SEL1L3: variants seen among roughly 807,000 people sequenced by gnomAD.
The protein encoded by SEL1L3 is SEL1L family member 3.
In SEL1L3, 76 loss-of-function variants were observed where a neutral mutation model predicts 142.8. The ratio of observed to expected loss-of-function variants is 0.53; its 90% CI spans 0.44 to 0.64. The LOEUF (loss-of-function observed/expected upper bound fraction) is 0.64. SEL1L3 is among the 30% of genes least tolerant of loss of function. The probability of loss-of-function intolerance (pLI) is 0.00; values close to 1 mark genes in which losing one functional copy is unlikely to be tolerated. For missense variants in SEL1L3, 1,262 were observed against 1,381.7 expected, an observed-to-expected ratio of 0.91 and a Z score of 1.37; for synonymous variants, 504 against 519.6, an observed-to-expected ratio of 0.97 and a Z score of 0.41.
At chr4:25,733,543 A>G in the SEL1L3 span, among the ~76,000 whole-genome samples, 2 of 106,744 alleles carry the variant, frequency 1.9e-5, no homozygotes, top group East Asian at 6.4e-4. Flanking sequence ...TTTTTTTGAG[A>G]TGGAGTCTCA....
chr4:25,854,874 G>C (rs1337907959), intron 1 of SEL1L3, among the ~76,000 whole-genome samples: 1 of 152,254 alleles, frequency 6.6e-6, no homozygotes, highest in Non-Finnish European at 1.5e-5. Context: ...TGACAAGTAG[G>C]AGAAGCTTGA....
Position 25,847,769 on chromosome 4 carries a change from A to G in SEL1L3, c.258T>C (p.Phe86=). 1 of 1,613,880 alleles carries G rather than the reference A, an allele frequency of 6.2e-7. No individual in the cohort carries two copies. Among genetic ancestry groups the G allele is most frequent in the Non-Finnish European group, 8.5e-7 (1 of 1,179,796 alleles). ...TGCGAACGTTTCCTTCAAAGACAGT[A>G]AAATAAATAAAGTCTTTGTAAGCCA... ...QSVAYKDFIY[F]TVFEGNVRNV... The change falls in exon 2 of 24, where the codon TTT becomes TTC. Residue 86 remains phenylalanine, a synonymous_variant. Transcript: ENST00000399878.
At chr4:25,756,902 C>A in intron 23 of SEL1L3, 1 of 1,282,226 alleles carries the variant, frequency 7.8e-7, no homozygotes, top group Non-Finnish European at 1.0e-6. Context: ...CACACAGAGG[C>A]AGAATTCTGA....
intron 9 of SEL1L3, among the ~76,000 whole-genome samples, chr4:25,808,236 C>G (rs1713730876): frequency 6.6e-6 from 1 of 152,106 alleles, no homozygotes; most frequent in African/African-American, 2.4e-5. Context: ...AAGAAACAAA[C>G]AAACAAAATA....
intron 9 of SEL1L3, among the ~76,000 whole-genome samples, chr4:25,807,138 G>A (rs761646839): frequency 7.2e-5 from 11 of 152,170 alleles, no homozygotes; most frequent in Non-Finnish European, 1.3e-4. Flanking sequence ...CTCTGGGGCT[G>A]TCAGAAGCTC....
intron 1 of SEL1L3, among the ~76,000 whole-genome samples, chr4:25,858,333 A>G (rs1304199398): frequency 6.6e-6 from 1 of 152,206 alleles, no homozygotes; most frequent in Non-Finnish European, 1.5e-5. Flanking sequence ...TCAAATATTC[A>G]TAATACCTCT....
chr4:25,784,284 C>T lies in SEL1L3; in HGVS notation c.2224G>A (p.Gly742Arg). 1 of 1,613,422 alleles carries T rather than the reference C, an allele frequency of 6.2e-7. No individual in the cohort carries two copies. Among genetic ancestry groups the T allele is most frequent in the Non-Finnish European group, 8.5e-7 (1 of 1,179,456 alleles). Residue 742 changes from glycine to arginine, a missense_variant, in exon 14 of 24, where the codon GGA becomes AGA. Transcript: ENST00000399878. Reference sequence around the variant, plus strand: ...GCAAGCCGTCTGTTCTTTTTTACTCCTTGACCCTAAACATTGATAAACAGC... The same window carrying T: ...GCAAGCCGTCTGTTCTTTTTTACTCTTTGACCCTAAACATTGATAAACAGC... ...DYAIVLFKGQ[G>R]VKKNRRLALE...
intron 16 of SEL1L3, 187 bp from the exon 17 acceptor site, chr4:25,776,547 C>T: frequency 1.8e-6 from 1 of 555,508 alleles, no homozygotes; most frequent in Non-Finnish European, 3.2e-6. Context: ...ATTTAGTGCC[C>T]TTTCTTATGA....
At chr4:25,851,849 A>T (rs959732280) in intron 1 of SEL1L3, among the ~76,000 whole-genome samples, 5 of 145,852 alleles carry the variant, frequency 3.4e-5, no homozygotes, top group African/African-American at 1.3e-4. Flanking sequence ...ATATCGTGCC[A>T]CTGCATTCCA....
chr4:25,747,460 C>A lies in SEL1L3; in HGVS notation c.*965G>T, dbSNP rs1717311842. On this transcript the variant is annotated 3_prime_UTR_variant, in exon 24 of 24. Coordinates refer to ENST00000399878, the MANE Select transcript of SEL1L3 (RefSeq NM_015187.5). ...AATTGTATAAAAATAATTTTATTTA[C>A]TACTGTAAATAAAGTAGTGCAAAGA... The A allele has an allele frequency of 6.6e-6, 1 of 151,950 alleles. No homozygotes were observed. Among genetic ancestry groups the A allele is most frequent in the Admixed American group, 6.6e-5 (1 of 15,250 alleles). The allele number at this position is 151,950 out of a possible 1,614,324, so 9.4% of individuals were successfully genotyped here.
chr4:25,800,285 T>A (rs1713086484), intron 11 of SEL1L3, among the ~76,000 whole-genome samples: 1 of 152,200 alleles, frequency 6.6e-6, no homozygotes, highest in South Asian at 2.1e-4. Context: ...ATATGACACC[T>A]GTTTAAATTC....
chr4:25,826,325 T>C (rs1291213298), intron 6 of SEL1L3, among the ~76,000 whole-genome samples: 3 of 152,226 alleles, frequency 2.0e-5, no homozygotes, highest in African/African-American at 7.2e-5. Context: ...ATTCCTGATC[T>C]TCTCACACTA....
chr4:25,776,587 A>C (rs1031830497), intron 16 of SEL1L3: 1 of 487,236 alleles, frequency 2.1e-6, no homozygotes, highest in Non-Finnish European at 3.7e-6. Context: ...TATGGAAACA[A>C]AGACATGTAA....
intron 11 of SEL1L3, among the ~76,000 whole-genome samples, chr4:25,792,796 T>A (rs1205217284): frequency 6.6e-6 from 1 of 152,218 alleles, no homozygotes; most frequent in Non-Finnish European, 1.5e-5. Context: ...TGGTTAGTGA[T>A]CAGTTAGAAT....
chr4:25,734,688 C>A, the SEL1L3 span, among the ~76,000 whole-genome samples: 1 of 152,086 alleles, frequency 6.6e-6, no homozygotes, highest in Non-Finnish European at 1.5e-5. Context: ...CATTCCTCAG[C>A]CTCCTCAGTA....
chr4:25,822,247 G>A, intron 6 of SEL1L3, 119 bp from the exon 7 acceptor site: 2 of 1,205,986 alleles, frequency 1.7e-6, no homozygotes, highest in Non-Finnish European at 2.4e-6. Flanking sequence ...TTCACTCTGA[G>A]TTTTAGCAGA....
At chr4:25,751,736 A>G (rs1194135712) in intron 23 of SEL1L3, among the ~76,000 whole-genome samples, 3 of 151,194 alleles carry the variant, frequency 2.0e-5, no homozygotes, top group Non-Finnish European at 2.9e-5. Context: ...CAAGACATTG[A>G]CTAATCTATT....
chr4:25,824,553 CTTA>C (rs773490565), intron 6 of SEL1L3, among the ~76,000 whole-genome samples: 167 of 152,314 alleles, frequency 1.1e-3, no homozygotes, highest in Non-Finnish European at 1.7e-3. Context: ...GATTATCATC[CTTA>C]ACCTAGCCCT....
intron 9 of SEL1L3, among the ~76,000 whole-genome samples, chr4:25,813,137 G>A (rs2109244116): frequency 6.6e-6 from 1 of 152,280 alleles, no homozygotes; most frequent in South Asian, 2.1e-4. Context: ...ACAGCATGGA[G>A]GTTTCTCAAA....
Sources: allele counts gnomAD v4.1 joint callset (sites outside exome capture counted in the v4.1 genomes callset), GRCh38; gene constraint gnomAD v4.1.1; transcripts MANE v1.5; gene names NCBI Gene and HGNC (gene_info 2026-07-23, HGNC 2026-07-21).